RAB27B: variants seen among roughly 807,000 people sequenced by gnomAD.
RAB27B encodes the protein RAB27B, member RAS oncogene family.
Under a neutral mutation model 24.6 loss-of-function variants are expected in RAB27B, and 15 were observed. The ratio of observed to expected loss-of-function variants is 0.61; its 90% CI spans 0.41 to 0.94. The LOEUF (loss-of-function observed/expected upper bound fraction) is 0.94, where lower values mean the gene tolerates loss of function less well. RAB27B is among the 40% of genes least tolerant of loss of function. The pLI, the probability that RAB27B is intolerant of heterozygous loss-of-function variation, is 0.00. For missense variants in RAB27B, 261 were observed against 266.8 expected (o/e 0.98, Z 0.15); for synonymous variants, 105 against 92.5 (o/e 1.14, Z -0.78).
chr18:54,782,844 A>G (rs944797142), intron 2 of RAB27B, among the ~76,000 whole-genome samples: 1 of 152,236 alleles, frequency 6.6e-6, no homozygotes, highest in African/African-American at 2.4e-5. Flanking sequence ...TCCATTGAAG[A>G]TGTAAACATA....
chr18:54,746,171 T>C (rs1910241929), intron 2 of RAB27B, among the ~76,000 whole-genome samples: 1 of 152,150 alleles, frequency 6.6e-6, no homozygotes. Context: ...AGGGATTCCC[T>C]CTAAAAATGA....
intron 2 of RAB27B, among the ~76,000 whole-genome samples, chr18:54,809,237 T>A (rs1232306335): frequency 1.3e-5 from 2 of 152,202 alleles, no homozygotes; most frequent in Non-Finnish European, 2.9e-5. Flanking sequence ...TGAACAGTGG[T>A]ACGTGACTAC....
At chr18:54,826,091 TA>T (rs750505029), upstream of RAB27B, among the ~76,000 whole-genome samples, 3 of 152,356 alleles carry the variant, frequency 2.0e-5, no homozygotes, top group East Asian at 1.9e-4. Context: ...CAATAACATT[TA>T]AAAAAATTCA....
At chr18:54,723,796 T>A (rs1909438047) in intron 2 of RAB27B, among the ~76,000 whole-genome samples, 1 of 152,214 alleles carries the variant, frequency 6.6e-6, no homozygotes, top group Non-Finnish European at 1.5e-5. Flanking sequence ...GAGTACTTAT[T>A]TAAAACACCA....
intron 1 of RAB27B, among the ~76,000 whole-genome samples, chr18:54,830,839 A>G (rs574004251): frequency 6.6e-6 from 1 of 152,336 alleles, no homozygotes; most frequent in South Asian, 2.1e-4. Context: ...TAGATTGCCA[A>G]TAAGGAGAGT....
intron 1 of RAB27B, among the ~76,000 whole-genome samples, chr18:54,849,588 G>A (rs1221169443): frequency 2.0e-5 from 3 of 152,120 alleles, no homozygotes; most frequent in Non-Finnish European, 4.4e-5. Context: ...AGACGTGGTG[G>A]CATGCTTCTG....
intron 1 of RAB27B, among the ~76,000 whole-genome samples, chr18:54,844,883 T>C (rs943382518): frequency 1.3e-5 from 2 of 152,172 alleles, no homozygotes; most frequent in African/African-American, 4.8e-5. Context: ...GTGTGGGTGT[T>C]GCTGTGAAAA....
rs980400289 is a variant in RAB27B, at chr18:54,870,681, A to C, written c.-19-6886A>C. ...TTGTTGTAAGTGAAATATAGGTTAA[A>C]ACATCATTAACACATGATTTCAGAC... On this transcript the variant is annotated intron_variant, in intron 1 of 5. Coordinates refer to ENST00000262094, the MANE Select transcript of RAB27B (RefSeq NM_004163.4). Among the ~76,000 whole-genome samples, 7 of 152,336 alleles carry C rather than the reference A, an allele frequency of 4.6e-5. No homozygotes were observed. In the South Asian group the frequency reaches 1.0e-3, roughly 23 times the overall value.
chr18:54,742,516 A>G (rs1449913459), intron 2 of RAB27B, among the ~76,000 whole-genome samples: 2 of 152,186 alleles, frequency 1.3e-5, no homozygotes, highest in Non-Finnish European at 2.9e-5. Context: ...TAATTTATTT[A>G]CTAAGAATAC....
At chr18:54,877,100 A>G (rs1398270301) in intron 1 of RAB27B, among the ~76,000 whole-genome samples, 1 of 152,134 alleles carries the variant, frequency 6.6e-6, no homozygotes. Flanking sequence ...TTTTTTCATG[A>G]TAGTGAGTTC....
chr18:54,764,940 G>A (rs929883597), intron 2 of RAB27B, among the ~76,000 whole-genome samples: 1 of 152,032 alleles, frequency 6.6e-6, no homozygotes, highest in Non-Finnish European at 1.5e-5. Context: ...TACTTCCCAA[G>A]CAGAAATCCT....
At chr18:54,820,885 A>G (rs1910287826) in intron 2 of RAB27B, among the ~76,000 whole-genome samples, 1 of 145,548 alleles carries the variant, frequency 6.9e-6, no homozygotes, top group Admixed American at 7.0e-5. Flanking sequence ...TCATTTCCCC[A>G]TTTCTTGGTT....
In RAB27B at chr18:54,812,693, C is replaced by T. The variant is rs563225569; in HGVS notation, c.-19-64874C>T. 4.3e-4 allele frequency among the ~76,000 whole-genome samples: 65 copies of T among 152,016 alleles called. 1 individual carries two copies. The highest frequency in any genetic ancestry group is 1.5e-3 in the African/African-American group (63 of 41,442). ...CAAATTTTGAGATTCTATGACTCTA[C>T]ATTAATTAACAAGGACATTTTAAGA... On this transcript the variant is annotated intron_variant, in intron 2 of 4. Transcript: ENST00000586570.
intron 1 of RAB27B, among the ~76,000 whole-genome samples, chr18:54,851,361 A>C (rs1911579952): frequency 6.6e-6 from 1 of 152,174 alleles, no homozygotes; most frequent in Non-Finnish European, 1.5e-5. Flanking sequence ...GTAGAAACAT[A>C]TTTTTCCTCC....
At chr18:54,754,678 A>G (rs1352200357) in intron 2 of RAB27B, among the ~76,000 whole-genome samples, 1 of 152,206 alleles carries the variant, frequency 6.6e-6, no homozygotes, top group Admixed American at 6.5e-5. Flanking sequence ...CAGCATGACA[A>G]CATTTATCAT....
At chr18:54,821,921 T>G (rs1047279727) in intron 2 of RAB27B, among the ~76,000 whole-genome samples, 10 of 152,080 alleles carry the variant, frequency 6.6e-5, no homozygotes, top group African/African-American at 2.2e-4. Context: ...CCTGGCTAAT[T>G]TTTGTATTAT....
At chr18:54,873,913 A>T (rs935901717) in intron 1 of RAB27B, among the ~76,000 whole-genome samples, 1 of 152,204 alleles carries the variant, frequency 6.6e-6, no homozygotes, top group Non-Finnish European at 1.5e-5. Context: ...CTTTGCATTC[A>T]TTTCAGGTGG....
intron 2 of RAB27B, among the ~76,000 whole-genome samples, chr18:54,758,503 A>C (rs2145045781): frequency 6.6e-6 from 1 of 152,298 alleles, no homozygotes; most frequent in Admixed American, 6.5e-5. Context: ...AAAAGGTAGA[A>C]AAATATATCA....
At position 54,786,583 on chromosome 18, in the gene RAB27B, T is replaced by C. The variant is rs552710996; in HGVS notation, c.-20+68442T>C. 2.0e-5 allele frequency among the ~76,000 whole-genome samples: 3 copies of C among 152,356 alleles called. No individual in the cohort carries two copies. In the South Asian group the frequency reaches 6.2e-4, roughly 32 times the overall value. On this transcript the variant is annotated intron_variant, in intron 2 of 4. Transcript: ENST00000586570. ...ACTCTAGACACATATTTTGTGTCTT[T>C]AACATATGCAGTGGACATGCATAAG...
Sources: allele counts gnomAD v4.1 joint callset (sites outside exome capture counted in the v4.1 genomes callset), GRCh38; gene constraint gnomAD v4.1.1; transcripts MANE v1.5; gene names NCBI Gene and HGNC (gene_info 2026-07-23, HGNC 2026-07-21).